The following CDH15 variants were observed in gnomAD, a reference collection of about 807,000 sequenced individuals.
CDH15 encodes cadherin 15, also known as cadherin-15.
In CDH15, 73 loss-of-function variants were observed where a neutral mutation model predicts 69.4. That is an observed-to-expected ratio of 1.05 (90% CI 0.87 to 1.28). CDH15 has a LOEUF of 1.28. Among genes scored for constraint, CDH15 ranks in the 50% most tolerant of loss-of-function variants. CDH15 has a pLI of 0.00. For synonymous variants in CDH15, 624 were observed against 507.7 expected, an observed-to-expected ratio of 1.23 and a Z score of -3.08; for missense variants, 1,343 against 1,133.6, an observed-to-expected ratio of 1.18 and a Z score of -2.65.
chr16:89,185,201 A>T lies in CDH15; in HGVS notation c.531A>T (p.Thr177=), dbSNP rs1915455251. Residue 177 remains threonine, a synonymous_variant, in exon 5 of 14, where the codon ACA becomes ACT. Transcript: ENST00000289746. ...PGTYVTRAEA[T]DADDPETDNA... The stretch of plus-strand genomic sequence containing the variant: ...CCTATGTGACCAGGGCAGAGGCCAC[A>T]GATGCCGACGACCCCGAGACGGACA... 1 of 1,601,272 alleles carries T rather than the reference A, an allele frequency of 6.2e-7. No homozygotes were observed. Among genetic ancestry groups the T allele is most frequent in the Non-Finnish European group, 8.5e-7 (1 of 1,175,164 alleles).
intron 2 of CDH15, 75 bp downstream of exon 2, chr16:89,179,649 G>C: frequency 6.9e-7 from 1 of 1,448,952 alleles, no homozygotes; most frequent in Admixed American, 2.3e-5. Context: ...TTCTCTAAAG[G>C]TCTCCTGGGA....
Position 89,185,199 on chromosome 16 carries a change from A to C in CDH15, c.529A>C (p.Thr177Pro). Residue 177 changes from threonine (T) to proline (P), a missense_variant, in exon 5 of 14, where the codon ACA becomes CCA. Coordinates refer to ENST00000289746, the MANE Select transcript of CDH15 (RefSeq NM_004933.3). ...CACCTATGTGACCAGGGCAGAGGCC[A>C]CAGATGCCGACGACCCCGAGACGGA... The part of the protein sequence containing the change: ...PGTYVTRAEA[T>P]DADDPETDNA... The C allele has an allele frequency of 6.2e-7, 1 of 1,603,826 alleles. No homozygotes were observed.
rs372484208 is a variant in CDH15, at chr16:89,188,292, G to A, written c.978+7G>A. On this transcript the variant is annotated splice_region_variant and intron_variant, in intron 7 of 13. Coordinates refer to ENST00000289746, the MANE Select transcript of CDH15 (RefSeq NM_004933.3). ...TGTTCTGTCCATTGTGAAGGTGAGC[G>A]GCCCCCGGCTGGCACACAGATGCCG... 12 of 1,611,938 alleles carry A rather than the reference G, an allele frequency of 7.4e-6. No individual in the cohort carries two copies. Among genetic ancestry groups the A allele is most frequent in the African/African-American group, 2.7e-5 (2 of 74,912 alleles).
chr16:89,183,743 T>G (rs1396873505), intron 4 of CDH15, 51 bp downstream of exon 4: 9 of 1,541,778 alleles, frequency 5.8e-6, no homozygotes, highest in African/African-American at 1.4e-5. Flanking sequence ...GGAAGGGCTC[T>G]GTGAAGTCCA....
Position 89,185,175 on chromosome 16 carries a change from A to T in CDH15, c.505A>T (p.Thr169Ser). The stretch of plus-strand genomic sequence containing the variant: ...TCACGCCTCCCTGTGCTTCCCAGGC[A>T]CCTATGTGACCAGGGCAGAGGCCAC... ...GRVLEGAVPG[T>S]YVTRAEATDA... Residue 169 changes from threonine to serine, a missense_variant and splice_region_variant, in exon 5 of 14, where the codon ACC becomes TCC. Physicochemically the swap from Thr to Ser is moderately conservative, Grantham distance 58. Coordinates refer to ENST00000289746, the MANE Select transcript of CDH15 (RefSeq NM_004933.3). 1 of 1,596,420 alleles carries T rather than the reference A, an allele frequency of 6.3e-7. No individual in the cohort carries two copies. Among genetic ancestry groups the T allele is most frequent in the Non-Finnish European group, 8.5e-7 (1 of 1,172,608 alleles).
intron 1 of CDH15, among the ~76,000 whole-genome samples, chr16:89,173,047 G>T (rs368422324): frequency 6.6e-6 from 1 of 152,024 alleles, no homozygotes; most frequent in East Asian, 1.9e-4. Context: ...CTGACCAGGC[G>T]CCTGGCCAGC....
chr16:89,189,696 A>G (rs1057473061), intron 7 of CDH15, among the ~76,000 whole-genome samples: 2 of 152,252 alleles, frequency 1.3e-5, no homozygotes, highest in Non-Finnish European at 1.5e-5. Flanking sequence ...GAAAGAGGCC[A>G]TAGGAGACAC....
At chr16:89,172,724 T>C (rs1469103847) in intron 1 of CDH15, among the ~76,000 whole-genome samples, 1 of 152,126 alleles carries the variant, frequency 6.6e-6, no homozygotes, top group Non-Finnish European at 1.5e-5. Flanking sequence ...GACCTAGACA[T>C]GGAGGATGTG....
At position 89,195,410 on chromosome 16, in the gene CDH15, T is replaced by C. The variant is rs1915789235; in HGVS notation, c.*255T>C. ...CCTCCCTAGTCCCACCTTTGCCTCC[T>C]ACCAGTGAACCTCATCTTTGTATGA... On this transcript the variant is annotated 3_prime_UTR_variant, in exon 14 of 14. Coordinates refer to ENST00000289746, the MANE Select transcript of CDH15 (RefSeq NM_004933.3). 5 of 530,636 alleles carry C rather than the reference T, an allele frequency of 9.4e-6. No individual in the cohort carries two copies. The highest frequency in any genetic ancestry group is 1.3e-5 in the Non-Finnish European group (4 of 298,982). 32.9% of individuals were successfully genotyped at this position (530,636 alleles called of 1,614,324 possible).
chr16:89,188,098 A>C lies in CDH15; in HGVS notation c.793-2A>C. ...TAACTGGGGCTGGGATCCCCCACCCAGTTCTTCATGGAGGCCATAGAGGCC... is the reference window on the plus strand; with the variant it reads ...TAACTGGGGCTGGGATCCCCCACCCCGTTCTTCATGGAGGCCATAGAGGCC... On this transcript the variant is annotated splice_acceptor_variant, in intron 6 of 13. Transcript: ENST00000289746. LOFTEE classifies it high-confidence loss of function. 1 of 1,609,482 alleles carries C rather than the reference A, an allele frequency of 6.2e-7. No homozygotes were observed. Among genetic ancestry groups the C allele is most frequent in the Non-Finnish European group, 8.5e-7 (1 of 1,178,380 alleles).
intron 2 of CDH15, 128 bp downstream of exon 2, chr16:89,179,702 GC>G: frequency 1.1e-6 from 1 of 942,184 alleles, no homozygotes; most frequent in Non-Finnish European, 1.6e-6. Flanking sequence ...GGCAGGACTC[GC>G]CCACCTTGCC....
At position 89,171,760 on chromosome 16, in the gene CDH15, C is replaced by G. The variant is rs1915155837; in HGVS notation, c.-72C>G. 20 of 1,455,162 alleles carry G rather than the reference C, an allele frequency of 1.4e-5. No individual in the cohort carries two copies. Among genetic ancestry groups the G allele is most frequent in the Non-Finnish European group, 1.8e-5 (19 of 1,079,084 alleles). The allele number at this position is 1,455,162 out of a possible 1,614,324, so 90.1% of individuals were successfully genotyped here. A position where few individuals can be genotyped will look rare whatever the true frequency, so the allele number is the denominator to read the frequency against. On this transcript the variant is annotated 5_prime_UTR_variant, in exon 1 of 14. Transcript: ENST00000289746. Reference sequence around the variant, plus strand: ...GGCCCTGGCCCGCCCCGCGCACTTGCGCTGTCACTCAGCCTGGACGCGCTT... The same window carrying G: ...GGCCCTGGCCCGCCCCGCGCACTTGGGCTGTCACTCAGCCTGGACGCGCTT...
chr16:89,188,225 T>C lies in CDH15; in HGVS notation c.918T>C (p.Asp306=). 2 of 1,613,620 alleles carry C rather than the reference T, an allele frequency of 1.2e-6. No individual in the cohort carries two copies. The highest frequency in any genetic ancestry group is 1.7e-6 in the Non-Finnish European group (2 of 1,179,954). ...TCACCATCCTGGAAGGCGACCCCGA[T>C]GGGCAGTTCACCATCCGCACGGACC... is the stretch of plus-strand genomic sequence containing the variant. ...ARFTILEGDP[D]GQFTIRTDPK... The change falls in exon 7 of 14, where the codon GAT becomes GAC. Residue 306 remains aspartate, a synonymous_variant. Transcript: ENST00000289746.
In CDH15 at chr16:89,191,597, G is replaced by A. The variant is rs1008657149; in HGVS notation, c.1376-58G>A. The A allele has an allele frequency of 6.4e-6, 10 of 1,571,062 alleles. No homozygotes were observed. The African/African-American group carries it at 6.8e-5, about 11-fold the overall frequency. On this transcript the variant is annotated intron_variant, in intron 9 of 13. Transcript: ENST00000289746. ...CAGAGCTGCGCACCCGCTCTGAGCC[G>A]ACTGGTGGGGCAGGCTGGGGTGTTG...
At position 89,191,343 on chromosome 16, in the gene CDH15, TACGACCCGG is replaced by T; in HGVS notation, c.1248_1256del (p.Tyr416_Glu419delinsTer). The T allele has an allele frequency of 1.2e-6, 2 of 1,612,786 alleles. No individual in the cohort carries two copies. The highest frequency in any genetic ancestry group is 1.7e-6 in the Non-Finnish European group (2 of 1,179,970). ...CCCCTGCATCAGCTACTCCAAGGAC[TACGACCCGG>T]AAGACTGGCTGCAAGTGGACGCAGC... On this transcript the variant is annotated stop_gained and inframe_deletion, in exon 9 of 14. Transcript: ENST00000289746. LOFTEE classifies it high-confidence loss of function.
At chr16:89,184,998 C>T (rs909259624) in intron 4 of CDH15, among the ~76,000 whole-genome samples, 175 bp from the exon 5 acceptor site, 1 of 152,232 alleles carries the variant, frequency 6.6e-6, no homozygotes, top group Admixed American at 6.5e-5. Context: ...TGGGGGTTGC[C>T]GCATGCTGGC....
intron 5 of CDH15, among the ~76,000 whole-genome samples, chr16:89,186,578 C>T (rs1470869091): frequency 7.7e-6 from 1 of 129,334 alleles, no homozygotes; most frequent in Non-Finnish European, 1.7e-5. Context: ...GAACACCCAG[C>T]GCACAGTAGG....
intron 7 of CDH15, among the ~76,000 whole-genome samples, chr16:89,188,696 C>T (rs1915555517): frequency 1.5e-5 from 2 of 130,476 alleles, no homozygotes; most frequent in South Asian, 2.6e-4. Flanking sequence ...ACACAGATGC[C>T]CACGCACAGA....
rs1277805746 is a variant in CDH15, at chr16:89,190,269, C to G, written c.1005C>G (p.His335Gln). Reference protein sequence around the residue: ...VKALDYESCEHYELKVSVQNE... With the variant: ...VKALDYESCEQYELKVSVQNE... ...CCCTGGACTATGAGAGCTGTGAACA[C>G]TACGAACTCAAAGTGTCGGTGCAGA... Residue 335 changes from histidine to glutamine, a missense_variant, in exon 8 of 14, where the codon CAC becomes CAG. Physicochemically the swap from His to Gln is conservative, Grantham distance 24 (BLOSUM62 0). Transcript: ENST00000289746. 2.2e-5 allele frequency: 36 copies of G among 1,612,670 alleles called. No individual in the cohort carries two copies. The highest frequency in any genetic ancestry group is 3.1e-5 in the Non-Finnish European group (36 of 1,179,900).
Sources: gnomAD v4.1 joint callset for allele counts (sites outside exome capture counted in the v4.1 genomes callset) on GRCh38, gnomAD v4.1.1 for gene constraint, MANE v1.5 for transcripts, NCBI Gene and HGNC (gene_info 2026-07-23, HGNC 2026-07-21) for gene names.